NKAPL: variants seen among roughly 807,000 people sequenced by gnomAD.
The protein encoded by NKAPL is NFKB activating protein like.
A neutral mutation model predicts 14.7 loss-of-function variants in NKAPL; 7 were observed. That is an observed-to-expected ratio of 0.48 (90% confidence interval 0.27 to 0.89). NKAPL has a LOEUF of 0.89. Among genes scored for constraint, NKAPL ranks in the 40% least tolerant of loss-of-function variants. The pLI is 0.12. For synonymous variants in NKAPL, 192 were observed against 179.9 expected (o/e 1.07, Z -0.54); for missense variants, 466 against 494.1 (o/e 0.94, Z 0.54).
At position 28,259,938 on chromosome 6, in the gene NKAPL, A is replaced by C; in HGVS notation, c.567A>C (p.Arg189Ser). The C allele has an allele frequency of 6.2e-7, 1 of 1,609,972 alleles. No homozygotes were observed. Among genetic ancestry groups the C allele is most frequent in the Non-Finnish European group, 8.5e-7 (1 of 1,179,106 alleles). Residue 189 changes from arginine (R) to serine (S), a missense_variant, in exon 1 of 1, where the codon AGA becomes AGC. Physicochemically the swap from Arg to Ser is moderately radical, Grantham distance 110. Transcript: ENST00000343684. ...GTCGTTCAAGAAACAAGAAAAAAAG[A>C]AAGAATAAGTCGTCTAAAAGAAAGC... The part of the protein sequence containing the change: ...KTSRSRNKKK[R>S]KNKSSKRKHR...
chr6:28,260,762 A>T lies in NKAPL; in HGVS notation c.*182A>T. 1 of 657,944 alleles carries T rather than the reference A, an allele frequency of 1.5e-6. No individual in the cohort carries two copies. Among genetic ancestry groups the T allele is most frequent in the East Asian group, 3.0e-5 (1 of 33,268 alleles). 40.8% of individuals were successfully genotyped at this position (657,944 alleles called of 1,614,324 possible). ...TTTAACTTTAAAAAGTAATATGTGC[A>T]CATGGTTTTAAAAATATTCAACCAT... On this transcript the variant is annotated 3_prime_UTR_variant, in exon 1 of 1. Transcript: ENST00000343684.
rs774215817 is a variant in NKAPL, at chr6:28,259,328, A to T, written c.-44A>T. On this transcript the variant is annotated 5_prime_UTR_variant, in exon 1 of 1. Transcript: ENST00000343684. Reference sequence around the variant, plus strand: ...CCTGCGTGGCCGCGAATCACCAGCCAGCCTCTGGGTCTGTAGCAACCGCCC... The same window carrying T: ...CCTGCGTGGCCGCGAATCACCAGCCTGCCTCTGGGTCTGTAGCAACCGCCC... The T allele has an allele frequency of 6.7e-7, 1 of 1,481,992 alleles. No homozygotes were observed. Among genetic ancestry groups the T allele is most frequent in the African/African-American group, 1.4e-5 (1 of 71,070 alleles). The allele number at this position is 1,481,992 out of a possible 1,614,324, so 91.8% of individuals were successfully genotyped here. A position where few individuals can be genotyped will look rare whatever the true frequency, so the allele number is the denominator to read the frequency against.
Position 28,259,714 on chromosome 6 carries a change from G to T in NKAPL, c.343G>T (p.Glu115Ter), listed in dbSNP as rs773472083. The T allele has an allele frequency of 2.5e-6, 4 of 1,614,144 alleles. No homozygotes were observed. The highest frequency in any genetic ancestry group is 8.5e-7 in the Non-Finnish European group (1 of 1,180,058). ...GTCAGCGGAAGACTACGAGAAGGAA[G>T]AGAGCCATCGGCAGAGGAGGCTGAA... ...RQSAEDYEKE[E>*]SHRQRRLKER... The change falls in exon 1 of 1, where the codon GAG (glutamate) becomes TAG (stop). Residue 115 changes from glutamate to a stop codon, truncating the protein, a stop_gained. Coordinates refer to ENST00000343684, the MANE Select transcript of NKAPL (RefSeq NM_001007531.3). LOFTEE classifies it low-confidence loss of function (END_TRUNC).
chr6:28,260,591 G>A lies in NKAPL; in HGVS notation c.*11G>A. 1.3e-6 allele frequency: 2 copies of A among 1,598,572 alleles called. No homozygotes were observed. The highest frequency in any genetic ancestry group is 1.7e-6 in the Non-Finnish European group (2 of 1,173,760). ...AAAGATGACAAGTAAGGACTTACTT[G>A]TTGCACAGCAGGAATTTTAACAACA... On this transcript the variant is annotated 3_prime_UTR_variant, in exon 1 of 1. Coordinates refer to ENST00000343684, the MANE Select transcript of NKAPL (RefSeq NM_001007531.3).
chr6:28,259,789 T>C lies in NKAPL; in HGVS notation c.418T>C (p.Ser140Pro). 1 of 1,613,956 alleles carries C rather than the reference T, an allele frequency of 6.2e-7. No homozygotes were observed. Among genetic ancestry groups the C allele is most frequent in the Non-Finnish European group, 8.5e-7 (1 of 1,179,986 alleles). The change falls in exon 1 of 1, where the codon TCT becomes CCT. Residue 140 changes from serine (S) to proline (P), a missense_variant. Coordinates refer to ENST00000343684, the MANE Select transcript of NKAPL (RefSeq NM_001007531.3). The stretch of plus-strand genomic sequence containing the variant: ...GGGAGCGCCTGAAGTGTGGGGGCCG[T>C]CTCCAAAGTTCCCTCAGCTAGATTC... ...ELGAPEVWGP[S>P]PKFPQLDSDE... is the part of the protein sequence containing the mutation.
In NKAPL at chr6:28,259,631, G is replaced by C. The variant is rs138481629; in HGVS notation, c.260G>C (p.Trp87Ser). 1 of 1,614,232 alleles carries C rather than the reference G, an allele frequency of 6.2e-7. No individual in the cohort carries two copies. The highest frequency in any genetic ancestry group is 1.1e-5 in the South Asian group (1 of 91,088). ...RFRNYAFASS[W>S]STSYSGYRYH... Reference sequence around the variant, plus strand: ...CGCAACTACGCCTTCGCGTCCTCCTGGTCGACCTCGTATAGTGGATATCGC... The same window carrying C: ...CGCAACTACGCCTTCGCGTCCTCCTCGTCGACCTCGTATAGTGGATATCGC... Residue 87 changes from tryptophan (W) to serine (S), a missense_variant, in exon 1 of 1, where the codon TGG becomes TCG. Transcript: ENST00000343684.
At position 28,259,845 on chromosome 6, in the gene NKAPL, A is replaced by C. The variant is rs1761301616; in HGVS notation, c.474A>C (p.Glu158Asp). 6.2e-7 allele frequency: 1 copy of C among 1,614,096 alleles called. No individual in the cohort carries two copies. Among genetic ancestry groups the C allele is most frequent in the Admixed American group, 1.7e-5 (1 of 60,006 alleles). Residue 158 changes from glutamate (E) to aspartate (D), a missense_variant, in exon 1 of 1, where the codon GAA (glutamate) becomes GAC (aspartate). By Grantham distance (45) the Glu-to-Asp change is conservative. Coordinates refer to ENST00000343684, the MANE Select transcript of NKAPL (RefSeq NM_001007531.3). ...AACATACCCCAGTTGAGGATGAAGA[A>C]GAGGTAACGCATCAGAAAAGCAGCA... ...SDEHTPVEDE[E>D]EVTHQKSSSS...
Position 28,259,883 on chromosome 6 carries a change from A to T in NKAPL, c.512A>T (p.Asn171Ile). The change falls in exon 1 of 1, where the codon AAC becomes ATC. Residue 171 changes from asparagine (N) to isoleucine (I), a missense_variant. Coordinates refer to ENST00000343684, the MANE Select transcript of NKAPL (RefSeq NM_001007531.3). Reference sequence around the variant, plus strand: ...CAGAAAAGCAGCAGTTCAGATTCCAACTCGGAAGAACATAGGAAAAAGAAG... The same window carrying T: ...CAGAAAAGCAGCAGTTCAGATTCCATCTCGGAAGAACATAGGAAAAAGAAG... ...THQKSSSSDSNSEEHRKKKTS... is the reference protein window; with the variant it reads ...THQKSSSSDSISEEHRKKKTS... 6.2e-7 allele frequency: 1 copy of T among 1,614,036 alleles called. No homozygotes were observed. The highest frequency in any genetic ancestry group is 8.5e-7 in the Non-Finnish European group (1 of 1,180,026).
In NKAPL at chr6:28,260,018, C is replaced by T; in HGVS notation, c.647C>T (p.Ser216Phe). ...SNSESDTNSD[S>F]DDDKKRVKAK... ...TCAGAGTCTGACACAAATTCTGACT[C>T]TGATGATGATAAAAAGAGAGTTAAA... Residue 216 changes from serine to phenylalanine, a missense_variant, in exon 1 of 1, where the codon TCT (serine) becomes TTT (phenylalanine). Physicochemically the swap from Ser to Phe is radical, Grantham distance 155. Coordinates refer to ENST00000343684, the MANE Select transcript of NKAPL (RefSeq NM_001007531.3). The T allele has an allele frequency of 6.3e-7, 1 of 1,599,196 alleles. No individual in the cohort carries two copies. Among genetic ancestry groups the T allele is most frequent in the Non-Finnish European group, 8.5e-7 (1 of 1,176,356 alleles).
Position 28,260,152 on chromosome 6 carries a change from T to C in NKAPL, c.781T>C (p.Ser261Pro). The change falls in exon 1 of 1, where the codon TCA becomes CCA. Residue 261 changes from serine to proline, a missense_variant. Physicochemically the swap from Ser to Pro is moderately conservative, Grantham distance 74 (BLOSUM62 -1). Coordinates refer to ENST00000343684, the MANE Select transcript of NKAPL (RefSeq NM_001007531.3). The part of the protein sequence containing the change: ...SSCKDSEEDL[S>P]EATWMEQPNV... ...CTGTAAAGACTCAGAAGAGGACTTGTCAGAAGCTACCTGGATGGAGCAGCC... is the reference window on the plus strand; with the variant it reads ...CTGTAAAGACTCAGAAGAGGACTTGCCAGAAGCTACCTGGATGGAGCAGCC... 1 of 1,613,594 alleles carries C rather than the reference T, an allele frequency of 6.2e-7. No homozygotes were observed. Among genetic ancestry groups the C allele is most frequent in the Non-Finnish European group, 8.5e-7 (1 of 1,179,710 alleles).
rs1424769346 is a variant in NKAPL at position 28,259,673 on chromosome 6, A to C, written c.302A>C (p.Tyr101Ser). The C allele has an allele frequency of 6.2e-7, 1 of 1,614,126 alleles. No homozygotes were observed. Among genetic ancestry groups the C allele is most frequent in the African/African-American group, 1.3e-5 (1 of 74,954 alleles). Residue 101 changes from tyrosine to serine, a missense_variant, in exon 1 of 1, where the codon TAT (tyrosine) becomes TCT (serine). By Grantham distance (144) the Tyr-to-Ser change is moderately radical. Transcript: ENST00000343684. ...YSGYRYHRHCYAEERQSAEDY... is the reference protein window; with the variant it reads ...YSGYRYHRHCSAEERQSAEDY... ...GGATATCGCTACCATCGTCACTGCT[A>C]TGCAGAAGAACGGCAGTCAGCGGAA...
In NKAPL at chr6:28,260,411, G is replaced by A. The variant is rs756166058; in HGVS notation, c.1040G>A (p.Arg347His). ...SGYVMSGSRH[R>H]RMEAVRLRKE... The stretch of plus-strand genomic sequence containing the variant: ...TATGTCATGAGTGGTAGCAGGCATC[G>A]CAGAATGGAGGCTGTACGACTGCGT... The change falls in exon 1 of 1, where the codon CGC (arginine) becomes CAC (histidine). Residue 347 changes from arginine to histidine, a missense_variant. Arg to His is a conservative substitution (Grantham distance 29). Coordinates refer to ENST00000343684, the MANE Select transcript of NKAPL (RefSeq NM_001007531.3). 8.1e-6 allele frequency: 13 copies of A among 1,614,068 alleles called. No homozygotes were observed. In the South Asian group the frequency reaches 9.9e-5, roughly 12 times the overall value.
At position 28,260,721 on chromosome 6, in the gene NKAPL, GC is replaced by G; in HGVS notation, c.*142del. On this transcript the variant is annotated 3_prime_UTR_variant, in exon 1 of 1. Transcript: ENST00000343684. ...AGCTTCTTTTGAGATATCTTTAGCAGCTTATTTTTTGTTATTTTAACTTTAA... is the reference window on the plus strand; with the variant it reads ...AGCTTCTTTTGAGATATCTTTAGCAGTTATTTTTTGTTATTTTAACTTTAA... 6.8e-6 allele frequency: 7 copies of G among 1,023,068 alleles called. No individual in the cohort carries two copies. Among genetic ancestry groups the G allele is most frequent in the Non-Finnish European group, 6.8e-6 (5 of 731,116 alleles). 63.4% of individuals were successfully genotyped at this position (1,023,068 alleles called of 1,614,324 possible).
At position 28,260,510 on chromosome 6, in the gene NKAPL, G is replaced by A. The variant is rs1041324603; in HGVS notation, c.1139G>A (p.Arg380Lys). The change falls in exon 1 of 1, where the codon AGA (arginine) becomes AAA (lysine). Residue 380 changes from arginine to lysine, a missense_variant. Physicochemically the swap from Arg to Lys is conservative, Grantham distance 26 (BLOSUM62 2). Coordinates refer to ENST00000343684, the MANE Select transcript of NKAPL (RefSeq NM_001007531.3). ...ASFNQEERRK[R>K]ESKILASFRE... ...TTTAACCAAGAAGAGAGACGAAAGA[G>A]AGAAAGTAAGATTTTAGCCAGTTTC... 1 of 1,614,062 alleles carries A rather than the reference G, an allele frequency of 6.2e-7. No individual in the cohort carries two copies. The highest frequency in any genetic ancestry group is 8.5e-7 in the Non-Finnish European group (1 of 1,180,016).
At position 28,259,378 on chromosome 6, in the gene NKAPL, C is replaced by T. The variant is rs139570769; in HGVS notation, c.7C>T (p.Pro3Ser). The change falls in exon 1 of 1, where the codon CCA (proline) becomes TCA (serine). Residue 3 changes from proline (P) to serine (S), a missense_variant. By Grantham distance (74) the Pro-to-Ser change is moderately conservative (BLOSUM62 -1). Transcript: ENST00000343684. Reference protein sequence around the residue: MPPVSRSSYSEDI... With the variant: MPSVSRSSYSEDI... ...CAGCGTTGAGGCGCGGCTCATGCCC[C>T]CAGTATCCCGGTCCAGCTATTCCGA... The T allele has an allele frequency of 1.2e-4, 183 of 1,576,312 alleles. No individual in the cohort carries two copies. The African/African-American group carries it at 2.3e-3, about 20-fold the overall frequency.
chr6:28,260,222 T>C lies in NKAPL; in HGVS notation c.851T>C (p.Ile284Thr). Reference protein sequence around the residue: ...TMDLIGPEAPIIHTSQDEKPL... With the variant: ...TMDLIGPEAPTIHTSQDEKPL... ...GATTTAATAGGGCCAGAAGCACCTATAATACATACCTCTCAAGATGAAAAA... is the reference window on the plus strand; with the variant it reads ...GATTTAATAGGGCCAGAAGCACCTACAATACATACCTCTCAAGATGAAAAA... Residue 284 changes from isoleucine to threonine, a missense_variant, in exon 1 of 1, where the codon ATA (isoleucine) becomes ACA (threonine). Transcript: ENST00000343684. 6.2e-7 allele frequency: 1 copy of C among 1,614,172 alleles called. No individual in the cohort carries two copies. The highest frequency in any genetic ancestry group is 8.5e-7 in the Non-Finnish European group (1 of 1,180,022).
Position 28,260,584 on chromosome 6 carries a change from C to G in NKAPL, c.*4C>G. 1.2e-6 allele frequency: 2 copies of G among 1,601,566 alleles called. No individual in the cohort carries two copies. The highest frequency in any genetic ancestry group is 1.8e-5 in the Admixed American group (1 of 57,008). ...AAAAGAGAAAGATGACAAGTAAGGA[C>G]TTACTTGTTGCACAGCAGGAATTTT... is the stretch of plus-strand genomic sequence containing the variant. On this transcript the variant is annotated 3_prime_UTR_variant, in exon 1 of 1. Transcript: ENST00000343684.
In NKAPL at chr6:28,260,407, C is replaced by T. The variant is rs1243289991; in HGVS notation, c.1036C>T (p.His346Tyr). 6.2e-7 allele frequency: 1 copy of T among 1,614,148 alleles called. No homozygotes were observed. The highest frequency in any genetic ancestry group is 1.7e-5 in the Admixed American group (1 of 60,022). The change falls in exon 1 of 1, where the codon CAT becomes TAT. Residue 346 changes from histidine (H) to tyrosine (Y), a missense_variant. Coordinates refer to ENST00000343684, the MANE Select transcript of NKAPL (RefSeq NM_001007531.3). Reference protein sequence around the residue: ...CSGYVMSGSRHRRMEAVRLRK... With the variant: ...CSGYVMSGSRYRRMEAVRLRK... ...AGGTTATGTCATGAGTGGTAGCAGG[C>T]ATCGCAGAATGGAGGCTGTACGACT... is the stretch of plus-strand genomic sequence containing the variant.
chr6:28,259,574 G>A lies in NKAPL; in HGVS notation c.203G>A (p.Arg68His), dbSNP rs776973377. The A allele has an allele frequency of 4.3e-6, 7 of 1,613,174 alleles. No individual in the cohort carries two copies. In the Admixed American group the frequency reaches 5.0e-5, roughly 12 times the overall value. Reference sequence around the variant, plus strand: ...GTGGGCGCTCTTTACCCCTTTAGTCGCTCTGGGTCGCGAGGGCGGCTCCCA... The same window carrying A: ...GTGGGCGCTCTTTACCCCTTTAGTCACTCTGGGTCGCGAGGGCGGCTCCCA... ...LDVGALYPFS[R>H]SGSRGRLPRF... Residue 68 changes from arginine (R) to histidine (H), a missense_variant, in exon 1 of 1, where the codon CGC (arginine) becomes CAC (histidine). Coordinates refer to ENST00000343684, the MANE Select transcript of NKAPL (RefSeq NM_001007531.3).
Sources: allele counts gnomAD v4.1 joint callset, GRCh38; gene constraint gnomAD v4.1.1; transcripts MANE v1.5; gene names NCBI Gene and HGNC (gene_info 2026-07-23, HGNC 2026-07-21).